The following LRRC4C variants were observed in gnomAD, a reference collection of about 807,000 sequenced individuals.
LRRC4C encodes leucine rich repeat containing 4C, also known as leucine-rich repeat-containing protein 4C.
A neutral mutation model predicts 33.6 loss-of-function variants in LRRC4C; 5 were observed. The observed-to-expected ratio is 0.15, with a 90% CI of 0.08 to 0.31. LRRC4C has a LOEUF of 0.31. Ranked by LOEUF, LRRC4C falls within the 10% of genes least tolerant of loss-of-function variation. The pLI is 1.00. For synonymous variants in LRRC4C, 329 were observed against 302.0 expected, an observed-to-expected ratio of 1.09 and a Z score of -0.93; for missense variants, 560 against 796.7, an observed-to-expected ratio of 0.70 and a Z score of 3.58.
At chr11:40,862,936 C>A (rs994455791) in intron 2 of LRRC4C, among the ~76,000 whole-genome samples, 5 of 152,172 alleles carry the variant, frequency 3.3e-5, no homozygotes, top group Non-Finnish European at 7.4e-5. Context: ...TTTTGTGGAA[C>A]AAATGATTTC....
At chr11:40,227,250 TC>T (rs1471656320) in intron 5 of LRRC4C, among the ~76,000 whole-genome samples, 1 of 152,202 alleles carries the variant, frequency 6.6e-6, no homozygotes, top group Non-Finnish European at 1.5e-5. Context: ...AAATACATCT[TC>T]CCCTTCCTCT....
Position 41,329,982 on chromosome 11 carries a change from C to T in LRRC4C, c.-496+129449G>A, listed in dbSNP as rs187196455. Among the ~76,000 whole-genome samples the T allele has an allele frequency of 6.3e-4, 96 of 152,316 alleles. 1 individual carries two copies. The highest frequency in any genetic ancestry group is 2.3e-3 in the African/African-American group (94 of 41,568). On this transcript the variant is annotated intron_variant, in intron 1 of 6. Coordinates refer to ENST00000528697, the MANE Select transcript of LRRC4C (RefSeq NM_001258419.2). The stretch of plus-strand genomic sequence containing the variant: ...TGAAAACATCAAATTGCACCCTGTA[C>T]CTGAATTTTCCAGAAGGTTAATACC...
chr11:40,863,376 T>C (rs1344346404), intron 2 of LRRC4C, among the ~76,000 whole-genome samples: 2 of 152,188 alleles, frequency 1.3e-5, no homozygotes, highest in East Asian at 3.8e-4. Flanking sequence ...CGGGATAGTT[T>C]CTGTATAAAT....
chr11:40,495,217 T>C (rs1298017733), intron 3 of LRRC4C, among the ~76,000 whole-genome samples: 1 of 152,122 alleles, frequency 6.6e-6, no homozygotes, highest in Non-Finnish European at 1.5e-5. Context: ...ACCCAAATAG[T>C]AGATTTTGTT....
At chr11:40,880,695 A>T (rs2136017999) in intron 2 of LRRC4C, among the ~76,000 whole-genome samples, 1 of 151,916 alleles carries the variant, frequency 6.6e-6, no homozygotes, top group East Asian at 1.9e-4. Context: ...ATACCTAATA[A>T]TTTCAAAGGA....
chr11:40,574,658 C>T (rs550801540), intron 3 of LRRC4C, among the ~76,000 whole-genome samples: 2 of 152,304 alleles, frequency 1.3e-5, no homozygotes, highest in African/African-American at 4.8e-5. Flanking sequence ...AGAAGGCCAA[C>T]TTTAAATTTA....
At chr11:40,402,540 G>T (rs967765839) in intron 3 of LRRC4C, among the ~76,000 whole-genome samples, 1 of 152,018 alleles carries the variant, frequency 6.6e-6, no homozygotes, top group African/African-American at 2.4e-5. Flanking sequence ...ACATATAGTA[G>T]TTAAAGATGT....
At chr11:40,954,453 C>T (rs1203378682) in intron 1 of LRRC4C, among the ~76,000 whole-genome samples, 1 of 151,822 alleles carries the variant, frequency 6.6e-6, no homozygotes, top group African/African-American at 2.4e-5. Flanking sequence ...ATCATAAAGA[C>T]CAACCTGTGC....
chr11:40,558,575 A>G (rs1957419412), intron 3 of LRRC4C, among the ~76,000 whole-genome samples: 1 of 152,166 alleles, frequency 6.6e-6, no homozygotes, highest in Admixed American at 6.5e-5. Context: ...TCTCACTTTG[A>G]TTAATTCCGT....
intron 1 of LRRC4C, among the ~76,000 whole-genome samples, chr11:40,988,699 CTTTCT>C (rs1213657745): frequency 3.4e-4 from 43 of 126,354 alleles, no homozygotes; most frequent in Non-Finnish European, 5.1e-4. Context: ...ATTTGTTTTC[CTTTCT>C]TTTCTTTTCT....
At chr11:40,780,306 A>C (rs1950166492) in intron 2 of LRRC4C, among the ~76,000 whole-genome samples, 1 of 152,174 alleles carries the variant, frequency 6.6e-6, no homozygotes, top group Non-Finnish European at 1.5e-5. Context: ...GGTACTGCAG[A>C]CTTCATTGTG....
At chr11:41,125,825 A>G (rs1942709510) in intron 1 of LRRC4C, among the ~76,000 whole-genome samples, 2 of 152,216 alleles carry the variant, frequency 1.3e-5, no homozygotes, top group African/African-American at 4.8e-5. Context: ...AAGGATGGTT[A>G]TAAAATAATT....
At chr11:40,879,529 C>G (rs972797636) in intron 2 of LRRC4C, among the ~76,000 whole-genome samples, 1 of 152,098 alleles carries the variant, frequency 6.6e-6, no homozygotes, top group East Asian at 1.9e-4. Flanking sequence ...ACTCTGTCCT[C>G]GAAGAGCTCA....
intron 1 of LRRC4C, among the ~76,000 whole-genome samples, chr11:41,212,832 G>A (rs1295481477): frequency 6.6e-6 from 1 of 152,140 alleles, no homozygotes; most frequent in African/African-American, 2.4e-5. Flanking sequence ...GTATATATGT[G>A]CCACATTTTC....
chr11:40,699,540 A>T (rs4556532), intron 2 of LRRC4C, among the ~76,000 whole-genome samples: 1 of 152,118 alleles, frequency 6.6e-6, no homozygotes, highest in Non-Finnish European at 1.5e-5. Flanking sequence ...TCCCAATGCC[A>T]TGTTGACTCG....
chr11:40,335,018 ATAAC>A (rs1463415109), intron 3 of LRRC4C, among the ~76,000 whole-genome samples: 3 of 152,190 alleles, frequency 2.0e-5, no homozygotes, highest in Non-Finnish European at 4.4e-5. Context: ...AACTTTTAAA[ATAAC>A]TAAGCAACAA....
At chr11:40,159,072 A>T (rs1858945535) in intron 5 of LRRC4C, among the ~76,000 whole-genome samples, 1 of 152,186 alleles carries the variant, frequency 6.6e-6, no homozygotes, top group African/African-American at 2.4e-5. Flanking sequence ...GCGAAAAAGC[A>T]AAGTGCACAT....
chr11:41,145,991 A>T (rs1447751632), intron 1 of LRRC4C, among the ~76,000 whole-genome samples: 1 of 152,180 alleles, frequency 6.6e-6, no homozygotes, highest in Non-Finnish European at 1.5e-5. Flanking sequence ...ATGAACCAAA[A>T]TACTTCCTTC....
chr11:40,982,102 A>C (rs1852586307), intron 1 of LRRC4C, among the ~76,000 whole-genome samples: 1 of 152,206 alleles, frequency 6.6e-6, no homozygotes, highest in Non-Finnish European at 1.5e-5. Flanking sequence ...GTTTCTCTTG[A>C]GGCATCAAGA....
Sources: gnomAD v4.1 joint callset for allele counts (sites outside exome capture counted in the v4.1 genomes callset) on GRCh38, gnomAD v4.1.1 for gene constraint, MANE v1.5 for transcripts, NCBI Gene and HGNC (gene_info 2026-07-23, HGNC 2026-07-21) for gene names.